The following GATA3 variants were observed in gnomAD, a reference collection of about 807,000 sequenced individuals.
GATA3 encodes GATA binding protein 3, also known as trans-acting T-cell-specific transcription factor GATA-3.
GATA3 carries 6 observed loss-of-function variants against 36.0 expected under a neutral mutation model. That is an observed-to-expected ratio of 0.17 (90% confidence interval 0.09 to 0.33). The LOEUF (loss-of-function observed/expected upper bound fraction) is 0.33. GATA3 is among the 10% of genes least tolerant of loss of function. The pLI is 1.00. For missense variants in GATA3, 514 were observed against 610.1 expected (o/e 0.84, Z 1.66); for synonymous variants, 326 against 273.0 (o/e 1.19, Z -1.92).
At chr10:8,068,598 A>C (rs1375949751) in intron 4 of GATA3, among the ~76,000 whole-genome samples, 1 of 152,186 alleles carries the variant, frequency 6.6e-6, no homozygotes, top group East Asian at 1.9e-4. Flanking sequence ...CTAAAAATAG[A>C]AAAATTAGCC....
chr10:8,062,343 A>C (rs1050951004), intron 3 of GATA3, among the ~76,000 whole-genome samples: 30 of 149,834 alleles, frequency 2.0e-4, no homozygotes, highest in African/African-American at 7.1e-4. Flanking sequence ...CAAAAAAAAA[A>C]ACCTCTCTTA....
At chr10:8,048,023 C>G (rs1175771653) in intron 1 of GATA3, among the ~76,000 whole-genome samples, 1 of 152,166 alleles carries the variant, frequency 6.6e-6, no homozygotes, top group African/African-American at 2.4e-5. Flanking sequence ...TCCCCCTCCC[C>G]CTCTTTTCCT....
intron 4 of GATA3, among the ~76,000 whole-genome samples, chr10:8,067,993 GA>G (rs1282864230): frequency 6.6e-6 from 1 of 152,156 alleles, no homozygotes; most frequent in Non-Finnish European, 1.5e-5. Context: ...TTTGATCCAG[GA>G]ATGGGGATAA....
intron 1 of GATA3, among the ~76,000 whole-genome samples, chr10:8,046,691 GTCAGGGGCTTACCATGACA>G (rs1832392817): frequency 2.8e-5 from 4 of 145,002 alleles, no homozygotes; most frequent in Non-Finnish European, 6.0e-5. Context: ...GTGTGTGTGT[GTCAGGGGCTTACCATGACA>G]TGTTTGTGCC....
In GATA3 at chr10:8,058,305, G is replaced by A. The variant is rs1460926411; in HGVS notation, c.242G>A (p.Gly81Glu). ...CTGCCCTTTCCCCGTTGCCCCACAG[G>A]GAGCCAGGTGTGCCGCCCGCCTCTG... ...TVQRYPPTHH[G>E]SQVCRPPLLH... is the part of the protein sequence containing the mutation. The change falls in exon 3 of 6, where the codon GGG (glycine) becomes GAG (glutamate). Residue 81 changes from glycine to glutamate, a missense_variant and splice_region_variant. Gly to Glu is a moderately conservative substitution (Grantham distance 98). This residue lies in a region of GATA3 where 381 missense variants were observed against 354.3 expected (regional missense o/e 1.08). Transcript: ENST00000379328. The A allele has an allele frequency of 6.2e-7, 1 of 1,613,418 alleles. No homozygotes were observed. Among genetic ancestry groups the A allele is most frequent in the Non-Finnish European group, 8.5e-7 (1 of 1,179,998 alleles).
In GATA3 at chr10:8,055,162, G is replaced by A. The variant is rs1588373978; in HGVS notation, c.-369-125G>A. 1 of 227,386 alleles carries A rather than the reference G, an allele frequency of 4.4e-6. No homozygotes were observed. The highest frequency in any genetic ancestry group is 5.6e-5 in the Admixed American group (1 of 17,796). The allele number at this position is 227,386 out of a possible 1,614,324, so 14.1% of individuals were successfully genotyped here. A position where few individuals can be genotyped will look rare whatever the true frequency, so the allele number is the denominator to read the frequency against. On this transcript the variant is annotated intron_variant, in intron 1 of 5. Transcript: ENST00000379328. The surrounding 1 kb of genome is among the most constrained non-coding windows in gnomAD (Gnocchi z 5.4). ...CGTCCCCGAGAGCCCTGCGGGCTCC[G>A]CGGCCGTGTCCCCGCGCTCCCGTGC... is the stretch of plus-strand genomic sequence containing the variant.
At chr10:8,057,558 T>C (rs1233921779) in intron 2 of GATA3, among the ~76,000 whole-genome samples, 1 of 151,720 alleles carries the variant, frequency 6.6e-6, no homozygotes, top group Non-Finnish European at 1.5e-5. Context: ...TTTGGGAGGG[T>C]GAGAAAAGCA....
At chr10:8,068,153 T>G (rs1832876168) in intron 4 of GATA3, among the ~76,000 whole-genome samples, 2 of 151,118 alleles carry the variant, frequency 1.3e-5, no homozygotes, top group Admixed American at 6.6e-5. Flanking sequence ...CTGATCAATT[T>G]AAATATGTCA....
chr10:8,047,848 C>T (rs533302517), intron 1 of GATA3, among the ~76,000 whole-genome samples: 2 of 152,216 alleles, frequency 1.3e-5, no homozygotes, highest in East Asian at 1.9e-4. Flanking sequence ...CCAAGGGAGG[C>T]CGGGAGAAGG....
At chr10:8,064,594 C>T (rs1457796685) in intron 4 of GATA3, among the ~76,000 whole-genome samples, 2 of 152,110 alleles carry the variant, frequency 1.3e-5, no homozygotes, top group Non-Finnish European at 2.9e-5. Context: ...CGTGTGGCTT[C>T]CCAGGAAGGA....
chr10:8,055,794 G>A lies in GATA3; in HGVS notation c.139G>A (p.Val47Met), dbSNP rs1417504256. 2 of 1,593,760 alleles carry A rather than the reference G, an allele frequency of 1.3e-6. No homozygotes were observed. The highest frequency in any genetic ancestry group is 4.6e-5 in the East Asian group (2 of 43,790). The change falls in exon 2 of 6, where the codon GTG becomes ATG. Residue 47 changes from valine (V) to methionine (M), a missense_variant. Physicochemically the swap from Val to Met is conservative, Grantham distance 21. Transcript: ENST00000379328. The surrounding 1 kb of genome is among the most constrained non-coding windows in gnomAD (Gnocchi z 5.4). ...GGCGCAGTACCCGCTGCCGGAGGAG[G>A]TGGATGTGCTTTTTAACATCGACGG... The part of the protein sequence containing the change: ...DAAQYPLPEE[V>M]DVLFNIDGQG...
intron 1 of GATA3, among the ~76,000 whole-genome samples, chr10:8,047,469 T>C (rs761511305): frequency 2.0e-5 from 3 of 152,270 alleles, no homozygotes; most frequent in African/African-American, 4.8e-5. Flanking sequence ...CTGGTATATC[T>C]TTGTGTGCAG....
In GATA3 at chr10:8,055,519, C is replaced by G; in HGVS notation, c.-137C>G. ...CACCTTTGCTTCCCAGCCTTCCCAT[C>G]CCCCCACCGAAAGCAAATCATTCAA... On this transcript the variant is annotated 5_prime_UTR_variant, in exon 2 of 6. In the 5' UTR this introduces an upstream ATG that the reference lacks. Transcript: ENST00000379328. The surrounding 1 kb of genome is among the most constrained non-coding windows in gnomAD (Gnocchi z 5.4). 5 of 899,308 alleles carry G rather than the reference C, an allele frequency of 5.6e-6. No individual in the cohort carries two copies. Among genetic ancestry groups the G allele is most frequent in the Non-Finnish European group, 8.3e-6 (5 of 598,978 alleles). 55.7% of individuals were successfully genotyped at this position (899,308 alleles called of 1,614,324 possible).
intron 2 of GATA3, among the ~76,000 whole-genome samples, 179 bp downstream of exon 2, chr10:8,056,075 C>G (rs1486675201): frequency 6.6e-6 from 1 of 152,176 alleles, no homozygotes; most frequent in Admixed American, 6.5e-5. Flanking sequence ...TGGCTCGTCG[C>G]GAGAGTGTGT....
intron 5 of GATA3, among the ~76,000 whole-genome samples, chr10:8,071,352 C>T (rs534078505): frequency 3.6e-4 from 55 of 152,130 alleles, no homozygotes; most frequent in African/African-American, 1.3e-3. Flanking sequence ...TAGAGTATAA[C>T]AAAATTGTAA....
chr10:8,055,054 C>T lies in GATA3; in HGVS notation c.-370+163C>T, dbSNP rs1832600145. Reference sequence around the variant, plus strand: ...GGTGTCCCCGAGGGAGGGACTTGCCCTCCAAGTCGTAACAGTCAGCCCTGG... The same window carrying T: ...GGTGTCCCCGAGGGAGGGACTTGCCTTCCAAGTCGTAACAGTCAGCCCTGG... On this transcript the variant is annotated intron_variant, in intron 1 of 5. Transcript: ENST00000379328. The surrounding 1 kb of genome is among the most constrained non-coding windows in gnomAD (Gnocchi z 5.4). Among the ~76,000 whole-genome samples the T allele has an allele frequency of 6.6e-6, 1 of 152,048 alleles. No homozygotes were observed. Among genetic ancestry groups the T allele is most frequent in the African/African-American group, 2.4e-5 (1 of 41,418 alleles).
At chr10:8,063,457 A>G (rs934785634) in intron 3 of GATA3, among the ~76,000 whole-genome samples, 1 of 152,194 alleles carries the variant, frequency 6.6e-6, no homozygotes, top group African/African-American at 2.4e-5. Context: ...TGATCAATCT[A>G]TGCATCTATT....
At chr10:8,059,060 A>C (rs1467787823) in intron 3 of GATA3, among the ~76,000 whole-genome samples, 1 of 152,116 alleles carries the variant, frequency 6.6e-6, no homozygotes, top group Admixed American at 6.5e-5. Context: ...TCTGATTTAA[A>C]ACCCCCCAAT....
chr10:8,050,658 G>T (rs1362148784), upstream of GATA3: 1 of 220,316 alleles, frequency 4.5e-6, no homozygotes, highest in Admixed American at 6.0e-5. Flanking sequence ...CCAGGCAGGC[G>T]CCGGGGCTCC....
Sources: allele counts gnomAD v4.1 joint callset (sites outside exome capture counted in the v4.1 genomes callset), GRCh38; gene constraint gnomAD v4.1.1; regional missense constraint gnomAD v4.1.1; non-coding constraint Gnocchi (gnomAD v3.1); transcripts MANE v1.5; gene names NCBI Gene and HGNC (gene_info 2026-07-23, HGNC 2026-07-21).